The following CIAPIN1 variants were observed in gnomAD, a reference collection of about 807,000 sequenced individuals.
The protein encoded by CIAPIN1 is cytokine induced apoptosis inhibitor 1, also known as anamorsin.
In CIAPIN1, 18 loss-of-function variants were observed where a neutral mutation model predicts 34.3. That is an observed-to-expected ratio of 0.52 (90% CI 0.36 to 0.78). The LOEUF (loss-of-function observed/expected upper bound fraction) is 0.78. CIAPIN1 is among the 30% of genes least tolerant of loss of function. The probability of loss-of-function intolerance (pLI) is 0.00; values close to 1 mark genes in which losing one functional copy is unlikely to be tolerated. For synonymous variants in CIAPIN1, 131 were observed against 140.4 expected (o/e 0.93, Z 0.47); for missense variants, 310 against 372.5 (o/e 0.83, Z 1.38).
rs223860 is a variant in CIAPIN1, at chr16:57,447,089, G to A, written c.-56+253C>T. Among the ~76,000 whole-genome samples the A allele has an allele frequency of 0.027, 4,158 of 152,306 alleles. 81 individuals are homozygous for A. Among genetic ancestry groups the A allele is most frequent in the Middle Eastern group, 0.071 (21 of 294 alleles). On this transcript the variant is annotated intron_variant, in intron 1 of 8. Transcript: ENST00000394391. ...CCGGGGCCTCAGAGTAGGGCCGGCT[G>A]CGCAAGGGACGAGGCAGCCGGGGAA...
Position 57,443,095 on chromosome 16 carries a change from GA to G in CIAPIN1, c.-55-2113del, listed in dbSNP as rs1193693614. On this transcript the variant is annotated intron_variant, in intron 1 of 8. Transcript: ENST00000394391. Reference sequence around the variant, plus strand: ...GCAAGTAAAAATGGAAAAAAAAAAAGAAAAAAAAATAATTAAAAAGACAATA... The same window carrying G: ...GCAAGTAAAAATGGAAAAAAAAAAAGAAAAAAAATAATTAAAAAGACAATA... Among the ~76,000 whole-genome samples, 720 of 135,506 alleles carry G rather than the reference GA, an allele frequency of 5.3e-3. 5 individuals are homozygous for G. Among genetic ancestry groups the G allele is most frequent in the African/African-American group, 0.018 (666 of 37,444 alleles). The allele number at this position is 135,506 out of a possible 152,430, so 88.9% of individuals were successfully genotyped here.
At chr16:57,430,823 T>C (rs1294121982) in intron 7 of CIAPIN1, among the ~76,000 whole-genome samples, 2 of 152,122 alleles carry the variant, frequency 1.3e-5, no homozygotes, top group African/African-American at 4.8e-5. Context: ...CTGATGCCCA[T>C]GCTGGAGTGC....
intron 3 of CIAPIN1, 125 bp downstream of exon 3, chr16:57,439,057 C>G: frequency 1.1e-6 from 1 of 910,958 alleles, no homozygotes; most frequent in Non-Finnish European, 1.6e-6. Flanking sequence ...AATTTATCCC[C>G]AAGGAAAAGG....
At chr16:57,443,306 C>T (rs1199020227) in intron 1 of CIAPIN1, among the ~76,000 whole-genome samples, 3 of 151,644 alleles carry the variant, frequency 2.0e-5, no homozygotes, top group Admixed American at 6.6e-5. Flanking sequence ...TGCCCGTCTA[C>T]TTTTGTATTT....
intron 7 of CIAPIN1, 111 bp downstream of exon 7, chr16:57,431,040 G>T: frequency 1.5e-5 from 9 of 616,410 alleles, no homozygotes; most frequent in South Asian, 4.8e-5. Flanking sequence ...TGGTCTCCCT[G>T]TGTTGCCCAG....
rs775064708 is a variant in CIAPIN1, at chr16:57,440,865, C to T, written c.64G>A (p.Val22Met). The change falls in exon 2 of 9, where the codon GTG (valine) becomes ATG (methionine). Residue 22 changes from valine to methionine, a missense_variant. By Grantham distance (21) the Val-to-Met change is conservative. Transcript: ENST00000394391. ...VAVVWDKSSP[V>M]EALKGLVDKL... ...TCCACCAGACCTTTCAGAGCCTCCACTGGGGATGACTTATCCCAGACCACT... is the reference window on the plus strand; with the variant it reads ...TCCACCAGACCTTTCAGAGCCTCCATTGGGGATGACTTATCCCAGACCACT... 4 of 1,613,974 alleles carry T rather than the reference C, an allele frequency of 2.5e-6. No homozygotes were observed. The highest frequency in any genetic ancestry group is 2.2e-5 in the South Asian group (2 of 91,080).
intron 1 of CIAPIN1, among the ~76,000 whole-genome samples, chr16:57,443,668 C>A (rs1671007144): frequency 1.3e-5 from 2 of 152,312 alleles, no homozygotes; most frequent in Non-Finnish European, 2.9e-5. Context: ...CCAGGCTATT[C>A]TCAAACTCCT....
intron 4 of CIAPIN1, among the ~76,000 whole-genome samples, chr16:57,434,903 T>C (rs1208497627): frequency 3.3e-5 from 5 of 152,202 alleles, no homozygotes; most frequent in African/African-American, 1.2e-4. Flanking sequence ...TGAACGGACA[T>C]ACAAAAAGGC....
At chr16:57,436,608 T>C (rs1365634497) in intron 4 of CIAPIN1, 48 bp downstream of exon 4, 3 of 1,392,416 alleles carry the variant, frequency 2.2e-6, no homozygotes, top group Admixed American at 1.7e-5. Flanking sequence ...TAAGCAATAC[T>C]GATTACCTCA....
At chr16:57,436,903 G>A (rs1405825093) in intron 3 of CIAPIN1, among the ~76,000 whole-genome samples, 171 bp from the exon 4 acceptor site, 1 of 152,134 alleles carries the variant, frequency 6.6e-6, no homozygotes. Context: ...CAGATCACTT[G>A]GGGCCAGGAG....
In CIAPIN1 at chr16:57,440,913, T is replaced by C; in HGVS notation, c.16A>G (p.Ile6Val). Reference sequence around the variant, plus strand: ...ACTGCCACAAACTGGCCAGCAGAGATCCCAAAATCTGCCATTCTTGCAGTG... The same window carrying C: ...ACTGCCACAAACTGGCCAGCAGAGACCCCAAAATCTGCCATTCTTGCAGTG... MADFGISAGQFVAVVW... is the reference protein window; with the variant it reads MADFGVSAGQFVAVVW... The change falls in exon 2 of 9, where the codon ATC (isoleucine) becomes GTC (valine). Residue 6 changes from isoleucine to valine, a missense_variant. Transcript: ENST00000394391. 6.2e-7 allele frequency: 1 copy of C among 1,612,902 alleles called. No individual in the cohort carries two copies. Among genetic ancestry groups the C allele is most frequent in the Non-Finnish European group, 8.5e-7 (1 of 1,179,684 alleles).
intron 7 of CIAPIN1, 90 bp from the exon 8 acceptor site, chr16:57,430,429 T>C: frequency 8.4e-7 from 1 of 1,190,726 alleles, no homozygotes; most frequent in Non-Finnish European, 1.2e-6. Context: ...TTAAGCCTTT[T>C]CTCTTCACAC....
chr16:57,444,674 C>T (rs1388722151), intron 1 of CIAPIN1, among the ~76,000 whole-genome samples: 1 of 152,176 alleles, frequency 6.6e-6, no homozygotes, highest in East Asian at 1.9e-4. Context: ...AAACATCAAC[C>T]CTCAAAAAAC....
intron 3 of CIAPIN1, 134 bp from the exon 4 acceptor site, chr16:57,436,866 C>A: frequency 7.3e-6 from 4 of 550,938 alleles, no homozygotes; most frequent in South Asian, 4.2e-5. Flanking sequence ...TGTCTGTAAT[C>A]CCAGCACTTT....
intron 6 of CIAPIN1, 71 bp from the exon 7 acceptor site, chr16:57,431,337 G>C (rs1403875715): frequency 9.8e-7 from 1 of 1,015,362 alleles, no homozygotes; most frequent in Non-Finnish European, 1.5e-6. Context: ...GTGACTGCAG[G>C]CTTCGAGAGG....
chr16:57,436,066 G>A (rs1598024755), intron 4 of CIAPIN1, among the ~76,000 whole-genome samples: 3 of 152,154 alleles, frequency 2.0e-5, no homozygotes, highest in Non-Finnish European at 2.9e-5. Context: ...CCTAGGATTC[G>A]GGTCTACTGA....
Position 57,440,761 on chromosome 16 carries a change from T to A in CIAPIN1, c.157+11A>T. 6.2e-7 allele frequency: 1 copy of A among 1,606,410 alleles called. No homozygotes were observed. The highest frequency in any genetic ancestry group is 1.3e-5 in the African/African-American group (1 of 74,686). On this transcript the variant is annotated intron_variant, in intron 2 of 8. Transcript: ENST00000394391. ...TCCAGCCTCATAAAGACAACGTGGGTGGGTACTTACATTGCAACAGCTGCT... is the reference window on the plus strand; with the variant it reads ...TCCAGCCTCATAAAGACAACGTGGGAGGGTACTTACATTGCAACAGCTGCT...
At chr16:57,444,611 G>A (rs79012977) in intron 1 of CIAPIN1, among the ~76,000 whole-genome samples, 5 of 152,270 alleles carry the variant, frequency 3.3e-5, no homozygotes, top group Non-Finnish European at 5.9e-5. Context: ...TTTGCGTTCC[G>A]TATCTCCCAA....
chr16:57,431,230 C>A lies in CIAPIN1; in HGVS notation c.667G>T (p.Asp223Tyr). The part of the protein sequence containing the change: ...IDSDELLDPE[D>Y]LKKPDPASLR... ...GAAGCTGGATCTGGCTTCTTCAAATCTTCTGGATCCAGCAGCTCATCTGAG... is the reference window on the plus strand; with the variant it reads ...GAAGCTGGATCTGGCTTCTTCAAATATTCTGGATCCAGCAGCTCATCTGAG... Residue 223 changes from aspartate (D) to tyrosine (Y), a missense_variant, in exon 7 of 9, where the codon GAT (aspartate) becomes TAT (tyrosine). Transcript: ENST00000394391. 6.2e-7 allele frequency: 1 copy of A among 1,613,844 alleles called. No homozygotes were observed. Among genetic ancestry groups the A allele is most frequent in the Non-Finnish European group, 8.5e-7 (1 of 1,179,852 alleles).
Sources: gnomAD v4.1 joint callset for allele counts (sites outside exome capture counted in the v4.1 genomes callset) on GRCh38, gnomAD v4.1.1 for gene constraint, MANE v1.5 for transcripts, NCBI Gene and HGNC (gene_info 2026-07-23, HGNC 2026-07-21) for gene names.